EPB41L4A: variants seen among roughly 807,000 people sequenced by gnomAD.
EPB41L4A encodes band 4.1-like protein 4A.
In EPB41L4A, 100 loss-of-function variants were observed where a neutral mutation model predicts 108.6. The observed-to-expected ratio is 0.92, with a 90% CI of 0.78 to 1.09. The LOEUF (loss-of-function observed/expected upper bound fraction) is 1.09, where lower values mean the gene tolerates loss of function less well. Among genes scored for constraint, EPB41L4A ranks in the 50% least tolerant of loss-of-function variants. The pLI is 0.00. For missense variants in EPB41L4A, 1,030 were observed against 842.7 expected (o/e 1.22, Z -2.75); for synonymous variants, 319 against 289.0 (o/e 1.10, Z -1.05).
intron 1 of EPB41L4A, among the ~76,000 whole-genome samples, chr5:112,357,222 G>T (rs73788018): frequency 6.6e-6 from 1 of 152,284 alleles, no homozygotes; most frequent in African/African-American, 2.4e-5. Context: ...GTCATTTTGA[G>T]AAATGGCTCC....
chr5:112,334,242 C>T lies in EPB41L4A; in HGVS notation c.100-26752G>A, dbSNP rs566828664. Among the ~76,000 whole-genome samples the T allele has an allele frequency of 4.6e-5, 7 of 152,234 alleles. No homozygotes were observed. The South Asian group carries it at 1.2e-3, about 27-fold the overall frequency. ...TACATCACATAACAAATAGCAGACCCTAAAAGGAAATCAAAGTATTTTACC... is the reference window on the plus strand; with the variant it reads ...TACATCACATAACAAATAGCAGACCTTAAAAGGAAATCAAAGTATTTTACC... On this transcript the variant is annotated intron_variant, in intron 1 of 22. Transcript: ENST00000261486.
chr5:112,364,537 G>T lies in EPB41L4A; in HGVS notation c.99+54404C>A, dbSNP rs369589099. On this transcript the variant is annotated intron_variant, in intron 1 of 22. Transcript: ENST00000261486. ...TTCACTGGAAGTAAGATAAATACTT[G>T]TATTCTAATGGAGAAACTCAGTGGG... Among the ~76,000 whole-genome samples, 8 of 152,240 alleles carry T rather than the reference G, an allele frequency of 5.3e-5. No homozygotes were observed. In the South Asian group the frequency reaches 1.5e-3, roughly 28 times the overall value.
At chr5:112,406,546 A>C (rs923750429) in intron 1 of EPB41L4A, among the ~76,000 whole-genome samples, 3 of 152,130 alleles carry the variant, frequency 2.0e-5, no homozygotes, top group African/African-American at 7.2e-5. Flanking sequence ...TCTCTCACAG[A>C]ACCTAACCAG....
intron 1 of EPB41L4A, among the ~76,000 whole-genome samples, chr5:112,357,891 C>G (rs553697566): frequency 5.3e-5 from 8 of 152,230 alleles, no homozygotes; most frequent in African/African-American, 1.9e-4. Context: ...CAAAGGCATC[C>G]ACTACAGATG....
At chr5:112,340,034 G>A (rs539431646) in intron 1 of EPB41L4A, among the ~76,000 whole-genome samples, 2 of 152,190 alleles carry the variant, frequency 1.3e-5, no homozygotes, top group African/African-American at 4.8e-5. Context: ...CAGAACTCCC[G>A]ATTAGGGCCC....
intron 13 of EPB41L4A, among the ~76,000 whole-genome samples, chr5:112,144,884 G>A (rs1215892251): frequency 1.3e-5 from 2 of 152,182 alleles, no homozygotes; most frequent in African/African-American, 4.8e-5. Flanking sequence ...ATTGAAAAGA[G>A]GGTAGTCCAG....
chr5:112,166,312 C>T (rs2150191334), intron 22 of EPB41L4A, among the ~76,000 whole-genome samples: 1 of 152,360 alleles, frequency 6.6e-6, no homozygotes, highest in South Asian at 2.1e-4. Flanking sequence ...CCCTTCTCCG[C>T]TTGGCAGCCA....
rs17266567 is a variant in EPB41L4A, at chr5:112,169,085, C to A, written c.1760G>T (p.Arg587Leu). The change falls in exon 21 of 23, where the codon CGC (arginine) becomes CTC (leucine). Residue 587 changes from arginine (R) to leucine (L), a missense_variant. Transcript: ENST00000261486. ...TCGTGGCGAATGAGAATGCCTGATGCGGATTGGGTCACCTTGTGTCCTGAA... is the reference window on the plus strand; with the variant it reads ...TCGTGGCGAATGAGAATGCCTGATGAGGATTGGGTCACCTTGTGTCCTGAA... ...TKIETQGDPI[R>L]IRHSHSPRSY... 25,757 of 1,613,412 alleles carry A rather than the reference C, an allele frequency of 0.016. 271 individuals are homozygous for A. The highest frequency in any genetic ancestry group is 0.019 in the Non-Finnish European group (22,901 of 1,179,400).
chr5:112,310,408 C>A (rs1022316910), intron 1 of EPB41L4A, among the ~76,000 whole-genome samples: 7 of 152,112 alleles, frequency 4.6e-5, no homozygotes, highest in African/African-American at 1.7e-4. Flanking sequence ...TGGCTGGGAC[C>A]TCAATAAAAG....
intron 2 of EPB41L4A, among the ~76,000 whole-genome samples, chr5:112,296,772 TC>T (rs1251507338): frequency 1.3e-5 from 2 of 152,068 alleles, no homozygotes; most frequent in South Asian, 2.1e-4. Context: ...ACCCCTTCCC[TC>T]CCGAGTCTCC....
At chr5:112,376,640 C>G (rs1057223684) in intron 1 of EPB41L4A, among the ~76,000 whole-genome samples, 4 of 152,226 alleles carry the variant, frequency 2.6e-5, no homozygotes, top group Admixed American at 2.6e-4. Flanking sequence ...ACACATCCTT[C>G]AGCAGGTGCA....
chr5:112,229,815 T>C (rs1580478907), intron 12 of EPB41L4A, among the ~76,000 whole-genome samples: 2 of 152,096 alleles, frequency 1.3e-5, no homozygotes, highest in South Asian at 4.2e-4. Context: ...GGTGAAACGC[T>C]GTCTCTACTG....
intron 9 of EPB41L4A, among the ~76,000 whole-genome samples, chr5:112,241,485 A>C (rs944226050): frequency 2.0e-5 from 3 of 152,212 alleles, no homozygotes; most frequent in Non-Finnish European, 4.4e-5. Flanking sequence ...TTGAAGGTAC[A>C]AATCAGCCCT....
chr5:112,226,864 A>G (rs775480326), intron 12 of EPB41L4A, among the ~76,000 whole-genome samples: 39 of 152,178 alleles, frequency 2.6e-4, no homozygotes, highest in Middle Eastern at 3.4e-3. Context: ...TTTCAGAGTC[A>G]TAAGATGAAA....
intron 3 of EPB41L4A, among the ~76,000 whole-genome samples, chr5:112,277,319 T>C (rs1466830656): frequency 2.0e-5 from 3 of 152,188 alleles, no homozygotes; most frequent in Non-Finnish European, 4.4e-5. Flanking sequence ...AGCCCACGCA[T>C]TTCAAATGTT....
Position 112,234,794 on chromosome 5 carries a change from A to C in EPB41L4A, c.966-39T>G, listed in dbSNP as rs369010300. On this transcript the variant is annotated intron_variant, in intron 11 of 22. Transcript: ENST00000261486. ...CATTTTGATTAGCAAAGGTAAAACC[A>C]CACAGCCACAAAATTAAACAACAGG... 406 of 1,584,680 alleles carry C rather than the reference A, an allele frequency of 2.6e-4. 1 individual carries two copies. The African/African-American group carries it at 4.9e-3, about 19-fold the overall frequency.
intron 12 of EPB41L4A, among the ~76,000 whole-genome samples, chr5:112,231,814 A>C (rs1194292711): frequency 2.8e-4 from 36 of 130,126 alleles, no homozygotes; most frequent in African/African-American, 1.0e-3. Flanking sequence ...AAAAAAAAAA[A>C]AAGGATCCAC....
chr5:112,243,350 C>T (rs1749959119), intron 9 of EPB41L4A, among the ~76,000 whole-genome samples: 1 of 149,586 alleles, frequency 6.7e-6, no homozygotes, highest in Middle Eastern at 3.5e-3. Flanking sequence ...GTCATCCAGG[C>T]TTTGTTTTTC....
At chr5:112,369,432 G>T (rs1225169480) in intron 1 of EPB41L4A, among the ~76,000 whole-genome samples, 1 of 152,120 alleles carries the variant, frequency 6.6e-6, no homozygotes, top group Non-Finnish European at 1.5e-5. Context: ...CCCTTAAAAA[G>T]ATCTTTCATT....
Sources: gnomAD v4.1 joint callset for allele counts (sites outside exome capture counted in the v4.1 genomes callset) on GRCh38, gnomAD v4.1.1 for gene constraint, MANE v1.5 for transcripts, NCBI Gene and HGNC (gene_info 2026-07-23, HGNC 2026-07-21) for gene names.